RPAP2: variants seen among roughly 807,000 people sequenced by gnomAD.
RPAP2 encodes the protein RNA polymerase II associated protein 2, also known as putative RNA polymerase II subunit B1 CTD phosphatase RPAP2.
RPAP2 carries 52 observed loss-of-function variants against 73.1 expected under a neutral mutation model. The observed-to-expected ratio is 0.71, with a 90% confidence interval of 0.57 to 0.90. The LOEUF is 0.90. RPAP2 is among the 40% of genes least tolerant of loss of function. The pLI, the probability that RPAP2 is intolerant of heterozygous loss-of-function variation, is 0.00. For synonymous variants in RPAP2, 225 were observed against 242.1 expected (o/e 0.93, Z 0.65); for missense variants, 598 against 701.8 (o/e 0.85, Z 1.67).
At chr1:92,364,555 T>A (rs529034455) in intron 11 of RPAP2, among the ~76,000 whole-genome samples, 1 of 152,270 alleles carries the variant, frequency 6.6e-6, no homozygotes, top group Non-Finnish European at 1.5e-5. Flanking sequence ...CATTTCAAAC[T>A]CTCAAATTTG....
At chr1:92,375,625 G>A (rs1655351723) in intron 11 of RPAP2, among the ~76,000 whole-genome samples, 1 of 152,158 alleles carries the variant, frequency 6.6e-6, no homozygotes, top group Non-Finnish European at 1.5e-5. Flanking sequence ...GAGGTCAGGA[G>A]TTGAAGATCA....
chr1:92,345,698 A>G, intron 10 of RPAP2, 148 bp from the exon 11 acceptor site: 1 of 572,894 alleles, frequency 1.7e-6, no homozygotes, highest in Non-Finnish European at 3.1e-6. Flanking sequence ...ACATTATTAT[A>G]CTATTGACTC....
chr1:92,351,305 C>CAAAAAAAAAAAAAAAAAA (rs60111119), intron 11 of RPAP2, among the ~76,000 whole-genome samples: 63 of 86,828 alleles, frequency 7.3e-4, no homozygotes, highest in African/African-American at 2.5e-3. Flanking sequence ...GACTCTGTCT[C>CAAAAAAAAAAAAAAAAAA]AAAAAAAAAA....
intron 3 of RPAP2, among the ~76,000 whole-genome samples, 193 bp from the exon 4 acceptor site, chr1:92,303,784 G>T (rs537413218): frequency 4.0e-5 from 6 of 151,062 alleles, no homozygotes; most frequent in African/African-American, 1.2e-4. Flanking sequence ...CTTTTTTTTT[G>T]AATGCTCACT....
chr1:92,348,008 C>T (rs1477606899), intron 11 of RPAP2, among the ~76,000 whole-genome samples: 3 of 152,032 alleles, frequency 2.0e-5, no homozygotes, highest in Non-Finnish European at 4.4e-5. Flanking sequence ...CTCCCGGGTT[C>T]AACCAATTCT....
chr1:92,347,896 A>G (rs1653989192), intron 11 of RPAP2, among the ~76,000 whole-genome samples: 2 of 152,098 alleles, frequency 1.3e-5, no homozygotes, highest in South Asian at 4.1e-4. Context: ...CGCATGTTTC[A>G]TATTGGGCAA....
chr1:92,352,646 A>G (rs1654275870), intron 11 of RPAP2, among the ~76,000 whole-genome samples: 1 of 152,306 alleles, frequency 6.6e-6, no homozygotes, highest in Non-Finnish European at 1.5e-5. Context: ...ATTTCCTTAC[A>G]ACTATGGAAT....
chr1:92,360,817 GT>G (rs563799994), intron 11 of RPAP2, among the ~76,000 whole-genome samples: 201 of 152,062 alleles, frequency 1.3e-3, no homozygotes, highest in Non-Finnish European at 2.2e-3. Flanking sequence ...TTTCATTACT[GT>G]TACATTCATT....
chr1:92,380,961 A>G, intron 12 of RPAP2, 88 bp downstream of exon 12: 1 of 1,195,638 alleles, frequency 8.4e-7, no homozygotes, highest in Non-Finnish European at 1.1e-6. Context: ...AATTGTAAAA[A>G]CCAAGTACAG....
chr1:92,376,172 T>C (rs963380802), intron 11 of RPAP2, among the ~76,000 whole-genome samples: 4 of 152,072 alleles, frequency 2.6e-5, no homozygotes, highest in African/African-American at 9.7e-5. Context: ...ATTTAAAGTA[T>C]ACGGGAGGAT....
At chr1:92,319,508 G>C (rs1309998760) in intron 6 of RPAP2, among the ~76,000 whole-genome samples, 1 of 152,060 alleles carries the variant, frequency 6.6e-6, no homozygotes, top group Non-Finnish European at 1.5e-5. Context: ...GCTCACACCT[G>C]GTAATCCCAG....
At chr1:92,356,063 T>TA (rs1491277145) in intron 11 of RPAP2, among the ~76,000 whole-genome samples, 4 of 152,212 alleles carry the variant, frequency 2.6e-5, no homozygotes, top group Admixed American at 2.0e-4. Flanking sequence ...GTTTTAAAAC[T>TA]GTTTTACTTA....
intron 6 of RPAP2, among the ~76,000 whole-genome samples, chr1:92,318,430 A>C (rs1191904862): frequency 6.6e-6 from 1 of 152,194 alleles, no homozygotes; most frequent in African/African-American, 2.4e-5. Context: ...TCTGATATCC[A>C]AGCCTACATT....
At chr1:92,343,583 G>A (rs971251513) in intron 10 of RPAP2, among the ~76,000 whole-genome samples, 1 of 152,018 alleles carries the variant, frequency 6.6e-6, no homozygotes, top group Non-Finnish European at 1.5e-5. Flanking sequence ...TCTAAAATTT[G>A]ATTCAGGTAT....
At position 92,323,988 on chromosome 1, in the gene RPAP2, G is replaced by C. The variant is rs767685532; in HGVS notation, c.1068G>C (p.Gln356His). The change falls in exon 8 of 13, where the codon CAG (glutamine) becomes CAC (histidine). Residue 356 changes from glutamine (Q) to histidine (H), a missense_variant. By Grantham distance (24) the Gln-to-His change is conservative. Around this residue, in one of 3 missense-constraint regions of RPAP2, gnomAD observed 506 missense variants for 612.8 expected, o/e 0.83. Coordinates refer to ENST00000610020, the MANE Select transcript of RPAP2 (RefSeq NM_024813.3). The stretch of plus-strand genomic sequence containing the variant: ...CTAGGTCAGTGTCTAGTTCAGTGCA[G>C]GTGTGTCCTGAAGTTGGAAAGAGAA... ...QVSRSVSSSV[Q>H]VCPEVGKRNL... 8.7e-6 allele frequency: 14 copies of C among 1,613,994 alleles called. No homozygotes were observed. In the African/African-American group the frequency reaches 1.7e-4, roughly 20 times the overall value.
chr1:92,307,345 T>A (rs1257040317), intron 6 of RPAP2, 69 bp downstream of exon 6: 1 of 1,034,578 alleles, frequency 9.7e-7, no homozygotes, highest in Non-Finnish European at 1.4e-6. Flanking sequence ...TTTTTGAGAT[T>A]AGCTGAGAGT....
In RPAP2 at chr1:92,390,982, C is replaced by G. The variant is rs980057461; in HGVS notation, c.*3971C>G. 2 of 152,130 alleles carry G rather than the reference C, an allele frequency of 1.3e-5. No homozygotes were observed. Among genetic ancestry groups the G allele is most frequent in the African/African-American group, 4.8e-5 (2 of 41,432 alleles). 9.4% of individuals were successfully genotyped at this position (152,130 alleles called of 1,614,324 possible). On this transcript the variant is annotated 3_prime_UTR_variant, in exon 13 of 13. Coordinates refer to ENST00000610020, the MANE Select transcript of RPAP2 (RefSeq NM_024813.3). ...GTCAATATTAGACAGATCAACAAGA[C>G]AGAAAATTAACAAAGATATCCAGGA...
intron 12 of RPAP2, among the ~76,000 whole-genome samples, chr1:92,381,098 C>T (rs1285253617): frequency 2.0e-5 from 3 of 152,090 alleles, no homozygotes; most frequent in Non-Finnish European, 2.9e-5. Flanking sequence ...TAGGTTACAA[C>T]AGTTCTGTTT....
At chr1:92,316,295 A>G (rs1290393362) in intron 6 of RPAP2, among the ~76,000 whole-genome samples, 4 of 152,188 alleles carry the variant, frequency 2.6e-5, no homozygotes, top group Admixed American at 2.0e-4. Context: ...CAGAACAACT[A>G]TAACCTCTTC....
Sources: allele counts gnomAD v4.1 joint callset (sites outside exome capture counted in the v4.1 genomes callset), GRCh38; gene constraint gnomAD v4.1.1; regional missense constraint gnomAD v4.1.1; transcripts MANE v1.5; gene names NCBI Gene and HGNC (gene_info 2026-07-23, HGNC 2026-07-21).